The following PDE4D variants were observed in gnomAD, a reference collection of about 807,000 sequenced individuals.
PDE4D encodes the protein phosphodiesterase 4D, also known as 3',5'-cyclic-AMP phosphodiesterase 4D.
In PDE4D, 24 loss-of-function variants were observed where a neutral mutation model predicts 87.4. The ratio of observed to expected loss-of-function variants is 0.27; its 90% CI spans 0.20 to 0.39. PDE4D has a LOEUF of 0.39. PDE4D is among the 10% of genes least tolerant of loss of function. The pLI is 1.00. For synonymous variants in PDE4D, 384 were observed against 383.2 expected, an observed-to-expected ratio of 1.00 and a Z score of -0.02; for missense variants, 714 against 1,041.0, an observed-to-expected ratio of 0.69 and a Z score of 4.32.
chr5:59,398,496 T>C (rs1461566097), intron 1 of PDE4D, among the ~76,000 whole-genome samples: 1 of 128,510 alleles, frequency 7.8e-6, no homozygotes, highest in Non-Finnish European at 1.7e-5. Context: ...ATTATCTCAA[T>C]AGATGCAGAA....
intron 1 of PDE4D, among the ~76,000 whole-genome samples, chr5:59,369,536 G>A (rs537263423): frequency 1.3e-5 from 2 of 152,256 alleles, no homozygotes; most frequent in South Asian, 4.1e-4. Flanking sequence ...AGTTAATACA[G>A]TGTGTATTAA....
At chr5:59,120,606 C>A (rs576406546) in intron 5 of PDE4D, among the ~76,000 whole-genome samples, 1 of 151,954 alleles carries the variant, frequency 6.6e-6, no homozygotes, top group South Asian at 2.1e-4. Context: ...TTGTACTGCT[C>A]AAAGCAATCT....
chr5:59,610,789 G>A (rs539719011), intron 1 of PDE4D, among the ~76,000 whole-genome samples: 1 of 152,284 alleles, frequency 6.6e-6, no homozygotes, highest in East Asian at 1.9e-4. Context: ...GAGTGGTGAA[G>A]ACATGAAGTC....
At chr5:59,026,029 C>A (rs756584773) in intron 6 of PDE4D, among the ~76,000 whole-genome samples, 6 of 152,274 alleles carry the variant, frequency 3.9e-5, no homozygotes, top group Non-Finnish European at 5.9e-5. Flanking sequence ...AGAATACTCT[C>A]TGACAGGCAA....
In PDE4D at chr5:59,669,896, C is replaced by T. The variant is rs148690788; in HGVS notation, c.455+223272G>A. ...GTCAGTGCCACCATTTAAAACACAG[C>T]ATTTTGGGCATGATTTCATTTAACC... On this transcript the variant is annotated intron_variant, in intron 1 of 14. Coordinates refer to ENST00000340635, the MANE Select transcript of PDE4D (RefSeq NM_001104631.2). Among the ~76,000 whole-genome samples, 861 of 152,242 alleles carry T rather than the reference C, an allele frequency of 5.7e-3. 5 individuals are homozygous for T. Among genetic ancestry groups the T allele is most frequent in the South Asian group, 0.015 (71 of 4,810 alleles).
intron 1 of PDE4D, among the ~76,000 whole-genome samples, chr5:59,520,845 G>T (rs912972080): frequency 9.9e-5 from 15 of 151,668 alleles, no homozygotes; most frequent in African/African-American, 3.4e-4. Context: ...ATAACTAATG[G>T]AATATGTATA....
chr5:59,922,363 C>T (rs1442461919), intron 3 of PDE4D, among the ~76,000 whole-genome samples: 1 of 152,060 alleles, frequency 6.6e-6, no homozygotes, highest in African/African-American at 2.4e-5. Flanking sequence ...TAGTGAGACA[C>T]TAGCAGGGGC....
At chr5:59,560,167 C>T (rs879614548) in intron 1 of PDE4D, among the ~76,000 whole-genome samples, 2 of 152,188 alleles carry the variant, frequency 1.3e-5, no homozygotes, top group African/African-American at 2.4e-5. Context: ...CCAGATGTGG[C>T]TTACGAGTGA....
chr5:59,416,041 C>A (rs979740933), intron 1 of PDE4D, among the ~76,000 whole-genome samples: 2 of 152,170 alleles, frequency 1.3e-5, no homozygotes, highest in Admixed American at 6.5e-5. Flanking sequence ...GAGGAGAATG[C>A]CAACATTGTC....
intron 5 of PDE4D, among the ~76,000 whole-genome samples, chr5:59,133,983 T>TTTGTTGTTGTTGTTG (rs71604780): frequency 3.1e-4 from 46 of 147,742 alleles, no homozygotes; most frequent in African/African-American, 1.1e-3. Flanking sequence ...AGCAACTAGT[T>TTTGTTGTTGTTGTTG]TTGTTGTTGT....
intron 1 of PDE4D, among the ~76,000 whole-genome samples, chr5:59,404,081 T>A (rs1382953968): frequency 2.0e-5 from 3 of 152,256 alleles, no homozygotes; most frequent in Non-Finnish European, 4.4e-5. Context: ...TTCATATGAC[T>A]GTTTGCCATT....
At chr5:59,715,279 C>G (rs942162205) in intron 1 of PDE4D, among the ~76,000 whole-genome samples, 1 of 152,216 alleles carries the variant, frequency 6.6e-6, no homozygotes, top group African/African-American at 2.4e-5. Context: ...AGCAGAGTTG[C>G]AAGAGGTCTT....
At chr5:59,379,313 T>C (rs747282705) in intron 1 of PDE4D, among the ~76,000 whole-genome samples, 4 of 152,204 alleles carry the variant, frequency 2.6e-5, no homozygotes, top group South Asian at 2.1e-4. Context: ...AAAAGTGCTG[T>C]CAGAATGCAA....
At chr5:59,628,051 C>T (rs1159622834) in intron 1 of PDE4D, among the ~76,000 whole-genome samples, 2 of 152,182 alleles carry the variant, frequency 1.3e-5, no homozygotes, top group Non-Finnish European at 2.9e-5. Context: ...ATCTGAATAG[C>T]AAAGACAACA....
chr5:60,082,263 A>T (rs373657065), intron 2 of PDE4D, among the ~76,000 whole-genome samples: 98 of 152,182 alleles, frequency 6.4e-4, no homozygotes, highest in Non-Finnish European at 1.2e-3. Flanking sequence ...TAATACCCTT[A>T]TAAGAAGAAA....
intron 1 of PDE4D, among the ~76,000 whole-genome samples, chr5:59,705,097 T>C (rs1753192026): frequency 6.6e-6 from 1 of 152,144 alleles, no homozygotes; most frequent in South Asian, 2.1e-4. Flanking sequence ...AAACTGGCTG[T>C]ATATTGAACA....
intron 2 of PDE4D, among the ~76,000 whole-genome samples, chr5:60,182,737 G>A (rs1041014658): frequency 2.0e-5 from 3 of 152,002 alleles, no homozygotes; most frequent in African/African-American, 4.8e-5. Context: ...AAAATTAGCC[G>A]AGCGTGGTGG....
intron 1 of PDE4D, among the ~76,000 whole-genome samples, chr5:59,367,594 A>G (rs1262887512): frequency 6.6e-6 from 1 of 152,208 alleles, no homozygotes; most frequent in East Asian, 1.9e-4. Context: ...TGTCTCATAG[A>G]TATTTTACAC....
At chr5:59,558,019 T>C (rs1472259773) in intron 1 of PDE4D, among the ~76,000 whole-genome samples, 1 of 152,230 alleles carries the variant, frequency 6.6e-6, no homozygotes, top group East Asian at 1.9e-4. Flanking sequence ...CACCTGGTTG[T>C]ACAGGAACCG....
Sources: allele counts gnomAD v4.1 joint callset (sites outside exome capture counted in the v4.1 genomes callset), GRCh38; gene constraint gnomAD v4.1.1; transcripts MANE v1.5; gene names NCBI Gene and HGNC (gene_info 2026-07-23, HGNC 2026-07-21).